Variants in ATRNL1 observed in about 807,000 individuals in gnomAD.
ATRNL1 encodes attractin like 1.
A neutral mutation model predicts 182.7 loss-of-function variants in ATRNL1; 95 were observed. That is an observed-to-expected ratio of 0.52 (90% confidence interval 0.44 to 0.62). The LOEUF (loss-of-function observed/expected upper bound fraction) is 0.62, where lower values mean the gene tolerates loss of function less well. Among genes scored for constraint, ATRNL1 ranks in the 20% least tolerant of loss-of-function variants. ATRNL1 has a pLI of 0.00. For synonymous variants in ATRNL1, 576 were observed against 568.3 expected, an observed-to-expected ratio of 1.01 and a Z score of -0.19; for missense variants, 1,471 against 1,679.5, an observed-to-expected ratio of 0.88 and a Z score of 2.17.
intron 28 of ATRNL1, among the ~76,000 whole-genome samples, chr10:115,925,296 T>C (rs1565492431): frequency 6.6e-6 from 1 of 152,132 alleles, no homozygotes; most frequent in Non-Finnish European, 1.5e-5. Context: ...TGCATAAGAA[T>C]GGTGAGAGAG....
At chr10:115,385,816 A>G (rs1858311987) in intron 19 of ATRNL1, among the ~76,000 whole-genome samples, 1 of 152,106 alleles carries the variant, frequency 6.6e-6, no homozygotes, top group Non-Finnish European at 1.5e-5. Context: ...TTGAAATGGC[A>G]ATTCTTTTCT....
intron 25 of ATRNL1, among the ~76,000 whole-genome samples, chr10:115,539,842 G>C (rs1852248602): frequency 6.6e-6 from 1 of 152,062 alleles, no homozygotes; most frequent in South Asian, 2.1e-4. Context: ...TTTCCTTCTT[G>C]TCTGTCCTCC....
chr10:115,409,018 G>C (rs1383031941), intron 20 of ATRNL1, among the ~76,000 whole-genome samples: 2 of 151,998 alleles, frequency 1.3e-5, no homozygotes, highest in African/African-American at 2.4e-5. Context: ...CTCCAGCTTT[G>C]TTCTTTTTTG....
chr10:115,416,135 A>G (rs1465836764), intron 20 of ATRNL1, among the ~76,000 whole-genome samples: 3 of 152,088 alleles, frequency 2.0e-5, no homozygotes. Flanking sequence ...TATCTTTGAA[A>G]TTAATTGCTA....
intron 24 of ATRNL1, among the ~76,000 whole-genome samples, chr10:115,517,874 C>T (rs1850719731): frequency 6.6e-6 from 1 of 151,700 alleles, no homozygotes. Flanking sequence ...GAAGAAAATT[C>T]ATTCTTTTAA....
chr10:115,550,523 A>G (rs888683251), intron 26 of ATRNL1, among the ~76,000 whole-genome samples: 5 of 151,944 alleles, frequency 3.3e-5, no homozygotes, highest in South Asian at 2.1e-4. Flanking sequence ...ATATATTTGC[A>G]AACTGGAGTC....
chr10:115,900,045 G>C lies in ATRNL1; in HGVS notation c.4019-44613G>C, dbSNP rs562129507. Among the ~76,000 whole-genome samples the C allele has an allele frequency of 2.0e-5, 3 of 152,290 alleles. No individual in the cohort carries two copies. The South Asian group carries it at 6.2e-4, about 32-fold the overall frequency. ...AAAGCTATACTAATTAAGACAATAT[G>C]CTACTGGCATAATACAAGTATGTGA... On this transcript the variant is annotated intron_variant, in intron 28 of 28. Transcript: ENST00000355044.
chr10:115,600,406 G>A (rs1856527455), intron 26 of ATRNL1, among the ~76,000 whole-genome samples: 1 of 152,078 alleles, frequency 6.6e-6, no homozygotes, highest in African/African-American at 2.4e-5. Context: ...ATCCTTGCCA[G>A]CATGTAGTAT....
chr10:115,233,612 A>G (rs114985273), intron 9 of ATRNL1, among the ~76,000 whole-genome samples: 2,940 of 152,224 alleles, frequency 0.019, 93 homozygotes, highest in African/African-American at 0.066. Context: ...CTTTTAAAAA[A>G]TGCTTTCAGT....
chr10:115,683,439 T>C (rs148653708), intron 26 of ATRNL1, among the ~76,000 whole-genome samples: 2 of 151,928 alleles, frequency 1.3e-5, no homozygotes, highest in Non-Finnish European at 2.9e-5. Context: ...CTACCTTCTA[T>C]ACCTAGAGAG....
At chr10:115,618,315 T>A (rs56844032) in intron 26 of ATRNL1, among the ~76,000 whole-genome samples, 3,405 of 152,250 alleles carry the variant, frequency 0.022, 121 homozygotes, top group African/African-American at 0.078. Flanking sequence ...GAGTTCAATT[T>A]ACTTGGGAAT....
At chr10:115,265,767 G>C (rs1347670190) in intron 11 of ATRNL1, among the ~76,000 whole-genome samples, 1 of 151,652 alleles carries the variant, frequency 6.6e-6, no homozygotes, top group Non-Finnish European at 1.5e-5. Flanking sequence ...TGGACTCAAT[G>C]GTCATTACAT....
At chr10:115,844,483 A>G (rs1415791367) in intron 27 of ATRNL1, among the ~76,000 whole-genome samples, 1 of 152,046 alleles carries the variant, frequency 6.6e-6, no homozygotes, top group African/African-American at 2.4e-5. Flanking sequence ...TACCTTGAAA[A>G]TCTTCATGAT....
intron 28 of ATRNL1, among the ~76,000 whole-genome samples, chr10:115,851,519 A>G (rs1555100514): frequency 2.6e-5 from 4 of 152,162 alleles, no homozygotes; most frequent in African/African-American, 9.7e-5. Flanking sequence ...TGTCTTAACC[A>G]GAGGTCAAAA....
chr10:115,213,735 G>A (rs1849117482), intron 8 of ATRNL1, among the ~76,000 whole-genome samples: 1 of 152,058 alleles, frequency 6.6e-6, no homozygotes, highest in African/African-American at 2.4e-5. Context: ...TTGTAAAGAA[G>A]AGATAGCAAT....
At chr10:115,653,441 C>A (rs1460216128) in intron 26 of ATRNL1, among the ~76,000 whole-genome samples, 2 of 152,178 alleles carry the variant, frequency 1.3e-5, no homozygotes, top group African/African-American at 4.8e-5. Context: ...TGGCTTTGCT[C>A]TGAACCCACC....
chr10:115,425,475 CT>C (rs1845843244), intron 20 of ATRNL1, among the ~76,000 whole-genome samples: 1 of 152,068 alleles, frequency 6.6e-6, no homozygotes, highest in African/African-American at 2.4e-5. Context: ...TGCTATATCT[CT>C]ATTAGACATT....
intron 6 of ATRNL1, among the ~76,000 whole-genome samples, chr10:115,164,521 C>T (rs1201321562): frequency 6.6e-6 from 1 of 152,120 alleles, no homozygotes; most frequent in Non-Finnish European, 1.5e-5. Context: ...AAAGCGATAT[C>T]TGCACTCTCA....
At chr10:115,389,582 ATATATATATTTCATCCAATGATGGACACC>A (rs1157032188) in intron 19 of ATRNL1, among the ~76,000 whole-genome samples, 5 of 106,540 alleles carry the variant, frequency 4.7e-5, no homozygotes, top group African/African-American at 1.8e-4. Context: ...ATATATATAT[ATATATATATTTCATCCAATGATGGACACC>A]TAGGTTGCAT....
Sources: gnomAD v4.1 joint callset for allele counts (sites outside exome capture counted in the v4.1 genomes callset) on GRCh38, gnomAD v4.1.1 for gene constraint, MANE v1.5 for transcripts, NCBI Gene and HGNC (gene_info 2026-07-23, HGNC 2026-07-21) for gene names.